EVPL: variants seen among roughly 807,000 people sequenced by gnomAD.
EVPL encodes 210 kDa cornified envelope precursor protein.
A neutral mutation model predicts 129.7 loss-of-function variants in EVPL; 94 were observed. The observed-to-expected ratio is 0.72, with a 90% confidence interval of 0.61 to 0.86. EVPL has a LOEUF of 0.86. Ranked by LOEUF, EVPL falls within the 40% of genes least tolerant of loss-of-function variation. EVPL has a pLI of 0.00. For synonymous variants in EVPL, 1,172 were observed against 1,191.1 expected, an observed-to-expected ratio of 0.98 and a Z score of 0.33; for missense variants, 2,625 against 2,721.1, an observed-to-expected ratio of 0.96 and a Z score of 0.79.
rs1026681867 is a variant in EVPL, at chr17:76,017,820, C to T, written c.1629G>A (p.Arg543=). The part of the protein sequence containing the change: ...RLDGDLGQIE[R]QVLAWARAPL... ...GGGCCCGCGCCCAGGCCAGCACCTGCCTCTCTATCTGTCCCAGGTCTCCAT... is the reference window on the plus strand; with the variant it reads ...GGGCCCGCGCCCAGGCCAGCACCTGTCTCTCTATCTGTCCCAGGTCTCCAT... The change falls in exon 14 of 22, where the codon AGG becomes AGA. Residue 543 remains arginine, a synonymous_variant. Coordinates refer to ENST00000301607, the MANE Select transcript of EVPL (RefSeq NM_001988.4). 3 of 1,613,776 alleles carry T rather than the reference C, an allele frequency of 1.9e-6. No individual in the cohort carries two copies. The highest frequency in any genetic ancestry group is 2.5e-6 in the Non-Finnish European group (3 of 1,180,056).
chr17:76,020,629 A>G (rs1477184879), intron 9 of EVPL, among the ~76,000 whole-genome samples: 1 of 145,378 alleles, frequency 6.9e-6, no homozygotes, highest in African/African-American at 2.5e-5. Flanking sequence ...TTTTTTCATT[A>G]TTATTCTCCT....
At chr17:76,021,073 T>G (rs1309060435) in intron 9 of EVPL, among the ~76,000 whole-genome samples, 1 of 152,158 alleles carries the variant, frequency 6.6e-6, no homozygotes, top group Non-Finnish European at 1.5e-5. Flanking sequence ...ATTTTATTTT[T>G]GAGGTGGAGT....
In EVPL at chr17:76,010,133, C is replaced by A; in HGVS notation, c.3072G>T (p.Arg1024Ser). 1 of 1,614,078 alleles carries A rather than the reference C, an allele frequency of 6.2e-7. No individual in the cohort carries two copies. The highest frequency in any genetic ancestry group is 1.6e-4 in the Middle Eastern group (1 of 6,062). ...LLTKEVTQVE[R>S]DPGLDSQAAQ... is the part of the protein sequence containing the mutation. ...CCGCCTGGCTGTCCAGGCCGGGGTC[C>A]CTCTCCACCTGGGTGACCTCCTTGG... Residue 1024 changes from arginine (R) to serine (S), a missense_variant, in exon 22 of 22, where the codon AGG becomes AGT. This residue lies in a region of EVPL where 1,453 missense variants were observed against 1,511.8 expected (regional missense o/e 0.96). Coordinates refer to ENST00000301607, the MANE Select transcript of EVPL (RefSeq NM_001988.4).
Position 76,018,239 on chromosome 17 carries a change from C to A in EVPL, c.1459G>T (p.Ala487Ser). The A allele has an allele frequency of 6.5e-7, 1 of 1,548,202 alleles. No homozygotes were observed. The highest frequency in any genetic ancestry group is 8.7e-7 in the Non-Finnish European group (1 of 1,145,112). Residue 487 changes from alanine (A) to serine (S), a missense_variant, in exon 13 of 22, where the codon GCC becomes TCC. By Grantham distance (99) the Ala-to-Ser change is moderately conservative. Around this residue, in one of 4 missense-constraint regions of EVPL, gnomAD observed 1,024 missense variants for 997.5 expected, o/e 1.03. Transcript: ENST00000301607. Reference sequence around the variant, plus strand: ...ACTGTGGCCAATTTCTGCTTCAGGGCCTGCAGCTCTGAGGCCAGCCTAGAA... The same window carrying A: ...ACTGTGGCCAATTTCTGCTTCAGGGACTGCAGCTCTGAGGCCAGCCTAGAA... ...RASRLASELQ[A>S]LKQKLATVQS... is the part of the protein sequence containing the mutation.
chr17:76,010,663 G>A, intron 21 of EVPL, 120 bp from the exon 22 acceptor site: 2 of 1,083,424 alleles, frequency 1.8e-6, no homozygotes, highest in Middle Eastern at 2.2e-4. Flanking sequence ...CCTCAGAGGT[G>A]GAGCTGAAGA....
chr17:76,015,529 G>C lies in EVPL; in HGVS notation c.1810C>G (p.Leu604Val). The change falls in exon 15 of 22, where the codon CTG becomes GTG. Residue 604 changes from leucine (L) to valine (V), a missense_variant. This residue lies in a region of EVPL where 1,024 missense variants were observed against 997.5 expected (regional missense o/e 1.03). Coordinates refer to ENST00000301607, the MANE Select transcript of EVPL (RefSeq NM_001988.4). ...LSTRPVGPAA[L>V]QLPVALNSVK... is the part of the protein sequence containing the mutation. ...CTGTTGAGGGCTACGGGCAGCTGCA[G>C]GGCAGCGGGGCCCACGGGCCGCGTG... is the stretch of plus-strand genomic sequence containing the variant. 1 of 1,612,840 alleles carries C rather than the reference G, an allele frequency of 6.2e-7. No homozygotes were observed. Among genetic ancestry groups the C allele is most frequent in the South Asian group, 1.1e-5 (1 of 91,090 alleles).
chr17:76,010,922 C>T (rs922182087), intron 21 of EVPL, among the ~76,000 whole-genome samples: 2 of 152,088 alleles, frequency 1.3e-5, no homozygotes, highest in African/African-American at 2.4e-5. Flanking sequence ...ATTAGCTGGG[C>T]GTGGTGACGC....
At chr17:76,023,871 C>G in intron 2 of EVPL, 150 bp downstream of exon 2, 1 of 1,221,448 alleles carries the variant, frequency 8.2e-7, no homozygotes, top group South Asian at 1.4e-5. Flanking sequence ...TCTCTCCCAC[C>G]GTGTGTTAGG....
At chr17:76,021,606 C>G in intron 8 of EVPL, 43 bp from the exon 9 acceptor site, 2 of 1,336,578 alleles carry the variant, frequency 1.5e-6, no homozygotes, top group Non-Finnish European at 2.0e-6. Context: ...GCCCCCCCCA[C>G]GTCCGCCCCA....
chr17:76,020,753 T>C (rs2665967), intron 9 of EVPL, among the ~76,000 whole-genome samples: 120,455 of 151,844 alleles, frequency 0.79, 48,566 homozygotes, highest in African/African-American at 0.94. Context: ...GACAGGGTCT[T>C]GCTATGTTGC....
In EVPL at chr17:76,007,929, G is replaced by A. The variant is rs1024486492; in HGVS notation, c.5276C>T (p.Ser1759Phe). Residue 1759 changes from serine to phenylalanine, a missense_variant, in exon 22 of 22, where the codon TCT becomes TTT. Around this residue, in one of 4 missense-constraint regions of EVPL, gnomAD observed 1,453 missense variants for 1,511.8 expected, o/e 0.96. Coordinates refer to ENST00000301607, the MANE Select transcript of EVPL (RefSeq NM_001988.4). This position sits in a 1 kb window ranked among gnomAD's most constrained non-coding sequence, Gnocchi z 8.8. ...CTTGTACAGATGGTACTCCTCCTTA[G>A]AGATGCGCCGGCAGCGGAGGGCGGC... ...IEAALRCRRI[S>F]KEEYHLYKDG... 1 of 1,613,992 alleles carries A rather than the reference G, an allele frequency of 6.2e-7. No individual in the cohort carries two copies. Among genetic ancestry groups the A allele is most frequent in the Non-Finnish European group, 8.5e-7 (1 of 1,180,034 alleles).
In EVPL at chr17:76,009,983, G is replaced by A. The variant is rs764047746; in HGVS notation, c.3222C>T (p.Val1074=). The A allele has an allele frequency of 8.7e-6, 14 of 1,613,626 alleles. No individual in the cohort carries two copies. The highest frequency in any genetic ancestry group is 4.4e-5 in the South Asian group (4 of 91,074). ...CCACCTTGACTACCTCTTTCACCAC[G>A]ACCTTCTCCTTCACGTCCACCTCCC... ...EKREVDVKEK[V]VVKEVVKVEK... The change falls in exon 22 of 22, where the codon GTC becomes GTT. Residue 1074 remains valine (V), a synonymous_variant. Transcript: ENST00000301607. This position sits in a 1 kb window ranked among gnomAD's most constrained non-coding sequence, Gnocchi z 5.9.
chr17:76,025,702 T>C (rs912365632), intron 1 of EVPL, among the ~76,000 whole-genome samples: 3 of 152,206 alleles, frequency 2.0e-5, no homozygotes, highest in Admixed American at 1.3e-4. Context: ...TGTTGGTGCC[T>C]TGATCCCTAT....
rs1369635229 is a variant in EVPL at position 76,025,801 on chromosome 17, C to T, written c.98+1300G>A. Among the ~76,000 whole-genome samples the T allele has an allele frequency of 2.0e-5, 3 of 152,232 alleles. No individual in the cohort carries two copies. In the East Asian group the frequency reaches 5.8e-4, roughly 29 times the overall value. On this transcript the variant is annotated intron_variant, in intron 1 of 21. Coordinates refer to ENST00000301607, the MANE Select transcript of EVPL (RefSeq NM_001988.4). ...GGACCCAGGCGGGCTGCTGCCTCCT[C>T]TGCAGACGAGCTGAAGCCAGTGAGT...
chr17:76,025,096 G>A (rs569887640), intron 1 of EVPL, among the ~76,000 whole-genome samples: 4 of 152,256 alleles, frequency 2.6e-5, no homozygotes, highest in Admixed American at 1.3e-4. Context: ...CCATCAGAAA[G>A]ATGATGGACT....
chr17:76,010,252 G>T lies in EVPL; in HGVS notation c.2953C>A (p.Arg985=). Residue 985 remains arginine, a synonymous_variant, in exon 22 of 22, where the codon CGG becomes AGG. Coordinates refer to ENST00000301607, the MANE Select transcript of EVPL (RefSeq NM_001988.4). ...VKAQVEEEGK[R]RAGLQADLEV... ...AGGTCTGCCTGCAGGCCAGCCCGCC[G>T]CTTGCCCTCCTCCTCCACCTGGGCC... 1.2e-6 allele frequency: 2 copies of T among 1,613,956 alleles called. No homozygotes were observed. The highest frequency in any genetic ancestry group is 1.7e-6 in the Non-Finnish European group (2 of 1,180,014).
At chr17:76,019,432 G>A in intron 10 of EVPL, 96 bp downstream of exon 10, 1 of 1,440,698 alleles carries the variant, frequency 6.9e-7, no homozygotes, top group Non-Finnish European at 9.2e-7. Context: ...GCTTGGGATA[G>A]GACTAGGTAC....
intron 21 of EVPL, 35 bp downstream of exon 21, chr17:76,011,541 C>G (rs756432337): frequency 5.7e-6 from 9 of 1,572,834 alleles, no homozygotes; most frequent in African/African-American, 1.3e-5. Flanking sequence ...TTATTCCTGG[C>G]TATTGTGGGA....
chr17:76,022,297 G>A lies in EVPL; in HGVS notation c.607-70C>T. The A allele has an allele frequency of 1.2e-6, 2 of 1,600,372 alleles. No homozygotes were observed. The highest frequency in any genetic ancestry group is 8.5e-7 in the Non-Finnish European group (1 of 1,174,634). The stretch of plus-strand genomic sequence containing the variant: ...CAGGGAGACGGCCCCCTAAGATCTG[G>A]GCCAGCCATACCCCACCCACCCCTA... On this transcript the variant is annotated intron_variant, in intron 5 of 21. Coordinates refer to ENST00000301607, the MANE Select transcript of EVPL (RefSeq NM_001988.4). This position sits in a 1 kb window ranked among gnomAD's most constrained non-coding sequence, Gnocchi z 5.6.
Sources: gnomAD v4.1 joint callset for allele counts (sites outside exome capture counted in the v4.1 genomes callset) on GRCh38, gnomAD v4.1.1 for gene constraint, gnomAD v4.1.1 regional missense constraint, Gnocchi (gnomAD v3.1) non-coding constraint, MANE v1.5 for transcripts, NCBI Gene and HGNC (gene_info 2026-07-23, HGNC 2026-07-21) for gene names.